CATSPERD: variants seen among roughly 807,000 people sequenced by gnomAD.
CATSPERD encodes the protein cation channel sperm-associated auxiliary subunit delta.
CATSPERD carries 86 observed loss-of-function variants against 98.1 expected under a neutral mutation model. The ratio of observed to expected loss-of-function variants is 0.88; its 90% CI spans 0.74 to 1.05. The LOEUF (loss-of-function observed/expected upper bound fraction) is 1.05. Among genes scored for constraint, CATSPERD ranks in the 50% least tolerant of loss-of-function variants. The pLI is 0.00. For missense variants in CATSPERD, 995 were observed against 1,005.7 expected (o/e 0.99, Z 0.14); for synonymous variants, 394 against 390.2 (o/e 1.01, Z -0.12).
chr19:5,766,275 A>AC, intron 17 of CATSPERD, 120 bp downstream of exon 17: 1 of 475,810 alleles, frequency 2.1e-6, no homozygotes, highest in South Asian at 4.4e-5. Context: ...ACATGGCGAA[A>AC]CCCCGTCTCT....
chr19:5,732,582 G>A (rs1011603559), intron 4 of CATSPERD, among the ~76,000 whole-genome samples: 14 of 151,994 alleles, frequency 9.2e-5, no homozygotes, highest in East Asian at 5.8e-4. Flanking sequence ...ACAGGCGCCC[G>A]CCACCACGCC....
chr19:5,757,599 ATTTTTTTT>A (rs534531838), intron 13 of CATSPERD, among the ~76,000 whole-genome samples: 5 of 91,830 alleles, frequency 5.4e-5, no homozygotes, highest in Admixed American at 1.2e-4. Context: ...GCCTGGCCAA[ATTTTTTTT>A]TTTTTTTTTT....
chr19:5,768,217 G>A lies in CATSPERD; in HGVS notation c.1609G>A (p.Asp537Asn). 3 of 1,613,680 alleles carry A rather than the reference G, an allele frequency of 1.9e-6. No homozygotes were observed. In the African/African-American group the frequency reaches 4.0e-5, roughly 22 times the overall value. The stretch of plus-strand genomic sequence containing the variant: ...CATCCTGGACCCCTTGACCCTGCAA[G>A]ACAATTACAGCTTCATCATCGAGAA... Reference protein sequence around the residue: ...MGILDPLTLQDNYSFIIEKEF... With the variant: ...MGILDPLTLQNNYSFIIEKEF... The change falls in exon 18 of 22, where the codon GAC becomes AAC. Residue 537 changes from aspartate (D) to asparagine (N), a missense_variant. By Grantham distance (23) the Asp-to-Asn change is conservative (BLOSUM62 1). Coordinates refer to ENST00000381624, the MANE Select transcript of CATSPERD (RefSeq NM_152784.4).
chr19:5,721,844 C>G (rs1045629042), intron 1 of CATSPERD, among the ~76,000 whole-genome samples: 13 of 151,922 alleles, frequency 8.6e-5, no homozygotes, highest in African/African-American at 3.1e-4. Flanking sequence ...CAAAAATTAG[C>G]CAGGCTTGGT....
At chr19:5,723,839 C>T (rs2055550723) in intron 1 of CATSPERD, among the ~76,000 whole-genome samples, 1 of 150,728 alleles carries the variant, frequency 6.6e-6, no homozygotes. Context: ...TGCAATGGTG[C>T]AATCTCAGCT....
At chr19:5,750,486 G>T (rs139000742) in intron 11 of CATSPERD, among the ~76,000 whole-genome samples, 8 of 139,676 alleles carry the variant, frequency 5.7e-5, no homozygotes, top group South Asian at 2.3e-4. Flanking sequence ...AATTATTTTG[G>T]CCAGGCACAG....
intron 7 of CATSPERD, among the ~76,000 whole-genome samples, chr19:5,740,798 GC>G (rs2055947339): frequency 6.8e-6 from 1 of 146,786 alleles, no homozygotes; most frequent in African/African-American, 2.5e-5. Flanking sequence ...CTAGCGCCCA[GC>G]CGTGTAGGGA....
At chr19:5,732,417 TG>T (rs2055744223) in intron 4 of CATSPERD, among the ~76,000 whole-genome samples, 1 of 151,576 alleles carries the variant, frequency 6.6e-6, no homozygotes, top group Non-Finnish European at 1.5e-5. Context: ...CTGGCATACA[TG>T]GTGTTTTTTG....
chr19:5,754,084 T>A, intron 12 of CATSPERD, 48 bp from the exon 13 acceptor site: 1 of 1,339,102 alleles, frequency 7.5e-7, no homozygotes, highest in Non-Finnish European at 1.1e-6. Context: ...GCCCTTTCTT[T>A]ATGGGAACAG....
Position 5,778,661 on chromosome 19 carries a change from C to A in CATSPERD, c.2382C>A (p.Gly794=). Residue 794 remains glycine, a synonymous_variant, in exon 22 of 22, where the codon GGC becomes GGA. Coordinates refer to ENST00000381624, the MANE Select transcript of CATSPERD (RefSeq NM_152784.4). The part of the protein sequence containing the change: ...PPGRHRTPHG[G]RSDH ...GACGCCACCGCACTCCTCACGGAGG[C>A]AGGTCTGACCACTGAGGCCGGTCCA... 6.2e-7 allele frequency: 1 copy of A among 1,612,284 alleles called. No individual in the cohort carries two copies. Among genetic ancestry groups the A allele is most frequent in the South Asian group, 1.1e-5 (1 of 91,020 alleles).
chr19:5,720,688 G>C lies in CATSPERD; in HGVS notation c.-50G>C. The C allele has an allele frequency of 6.4e-7, 1 of 1,563,058 alleles. No individual in the cohort carries two copies. Among genetic ancestry groups the C allele is most frequent in the Non-Finnish European group, 8.7e-7 (1 of 1,146,306 alleles). On this transcript the variant is annotated 5_prime_UTR_variant, in exon 1 of 22. Transcript: ENST00000381624. Reference sequence around the variant, plus strand: ...CCTGCACGTACTCGGATTGTGCAGCGACTCCCCGTGGCGGTTGAGGGGCAG... The same window carrying C: ...CCTGCACGTACTCGGATTGTGCAGCCACTCCCCGTGGCGGTTGAGGGGCAG...
At chr19:5,744,578 C>T (rs576514954) in intron 8 of CATSPERD, 68 bp downstream of exon 8, 22 of 1,070,614 alleles carry the variant, frequency 2.1e-5, no homozygotes, top group South Asian at 1.3e-4. Flanking sequence ...TGTTACAACT[C>T]GCACATTTTT....
intron 15 of CATSPERD, 89 bp downstream of exon 15, chr19:5,759,233 C>A: frequency 8.4e-7 from 1 of 1,188,998 alleles, no homozygotes; most frequent in Non-Finnish European, 1.3e-6. Flanking sequence ...GAGATCAGAC[C>A]CCCAGCTCCA....
chr19:5,772,214 ATTTTT>A (rs35847357), intron 19 of CATSPERD: 280 of 154,080 alleles, frequency 1.8e-3, no homozygotes, highest in Middle Eastern at 2.8e-3. Context: ...TGCCCGGTTA[ATTTTT>A]TTTTTTTTTT....
chr19:5,724,972 A>G lies in CATSPERD; in HGVS notation c.126+110A>G. On this transcript the variant is annotated intron_variant, in intron 2 of 21. Coordinates refer to ENST00000381624, the MANE Select transcript of CATSPERD (RefSeq NM_152784.4). ...CCCGTGTTGTCAAGCATTTAAGATCATTACTTTATTCAGTCTTTACAGTTC... is the reference window on the plus strand; with the variant it reads ...CCCGTGTTGTCAAGCATTTAAGATCGTTACTTTATTCAGTCTTTACAGTTC... 1.6e-5 allele frequency: 15 copies of G among 951,476 alleles called. No homozygotes were observed. In the South Asian group the frequency reaches 1.8e-4, roughly 12 times the overall value. 58.9% of individuals were successfully genotyped at this position (951,476 alleles called of 1,614,324 possible). A position where few individuals can be genotyped will look rare whatever the true frequency, so the allele number is the denominator to read the frequency against.
At chr19:5,777,568 G>A (rs2056758777) in intron 21 of CATSPERD, among the ~76,000 whole-genome samples, 1 of 152,204 alleles carries the variant, frequency 6.6e-6, no homozygotes. Context: ...AGAGGGCATG[G>A]AGAGGATGGC....
intron 2 of CATSPERD, among the ~76,000 whole-genome samples, chr19:5,725,735 T>C (rs1032294789): frequency 4.0e-5 from 6 of 151,802 alleles, no homozygotes; most frequent in Non-Finnish European, 4.4e-5. Context: ...ACCCCGTCTC[T>C]ACTAGAAATA....
intron 16 of CATSPERD, 116 bp downstream of exon 16, chr19:5,763,409 C>A: frequency 2.8e-6 from 2 of 723,918 alleles, no homozygotes; most frequent in Non-Finnish European, 4.7e-6. Flanking sequence ...AACCTGGGTG[C>A]AAGAGAGTGA....
intron 4 of CATSPERD, among the ~76,000 whole-genome samples, chr19:5,732,863 A>T (rs1251241890): frequency 1.3e-5 from 2 of 151,744 alleles, no homozygotes; most frequent in Admixed American, 1.3e-4. Flanking sequence ...TTTTTAGTAG[A>T]GATGGGGTTT....
Sources: gnomAD v4.1 joint callset for allele counts (sites outside exome capture counted in the v4.1 genomes callset) on GRCh38, gnomAD v4.1.1 for gene constraint, MANE v1.5 for transcripts, NCBI Gene and HGNC (gene_info 2026-07-23, HGNC 2026-07-21) for gene names.